The following HTR4 variants were observed in gnomAD, a reference collection of about 807,000 sequenced individuals.
The protein encoded by HTR4 is 5-hydroxytryptamine receptor 4, also known as 5-hydroxytryptamine (serotonin) receptor 4, G protein-coupled.
Under a neutral mutation model 36.8 loss-of-function variants are expected in HTR4, and 16 were observed. That is an observed-to-expected ratio of 0.43 (90% CI 0.29 to 0.66). The LOEUF is 0.66. Among genes scored for constraint, HTR4 ranks in the 30% least tolerant of loss-of-function variants. HTR4 has a pLI of 0.13. For synonymous variants in HTR4, 189 were observed against 185.1 expected (o/e 1.02, Z -0.17); for missense variants, 438 against 490.9 (o/e 0.89, Z 1.02).
At chr5:148,464,420 A>C (rs1755369520) in intron 5 of HTR4, among the ~76,000 whole-genome samples, 1 of 152,208 alleles carries the variant, frequency 6.6e-6, no homozygotes, top group African/African-American at 2.4e-5. Context: ...CCTAATTTTA[A>C]AAATGGGCCA....
downstream of HTR4, among the ~76,000 whole-genome samples, chr5:148,476,181 C>T (rs2113709165): frequency 6.6e-6 from 1 of 152,348 alleles, no homozygotes; most frequent in East Asian, 1.9e-4. Flanking sequence ...CATTCTACAT[C>T]TCTGGCTCAG....
Position 148,510,043 on chromosome 5 carries a change from G to C in HTR4, c.508-19C>G, listed in dbSNP as rs1363734799. The C allele has an allele frequency of 1.3e-6, 2 of 1,520,104 alleles. No homozygotes were observed. Among genetic ancestry groups the C allele is most frequent in the Admixed American group, 3.6e-5 (2 of 56,122 alleles). 94.2% of individuals were successfully genotyped at this position (1,520,104 alleles called of 1,614,324 possible). A position where few individuals can be genotyped will look rare whatever the true frequency, so the allele number is the denominator to read the frequency against. ...TTTCTATCTGAGAGTTGGAGGGAGAGAGGAAATGAGGAAAGGAGGTAAAAA... is the reference window on the plus strand; with the variant it reads ...TTTCTATCTGAGAGTTGGAGGGAGACAGGAAATGAGGAAAGGAGGTAAAAA... On this transcript the variant is annotated intron_variant, in intron 5 of 6. Coordinates refer to ENST00000377888, the MANE Select transcript of HTR4 (RefSeq NM_000870.7).
At chr5:148,627,316 T>G (rs1172212129) in intron 2 of HTR4, among the ~76,000 whole-genome samples, 1 of 151,642 alleles carries the variant, frequency 6.6e-6, no homozygotes, top group African/African-American at 2.4e-5. Context: ...ATTACCAACA[T>G]TTTTTGAATG....
rs1757398027 is a variant in HTR4, at chr5:148,509,653, C to T, written c.879G>A (p.Val293=). The change falls in exon 6 of 7, where the codon GTG becomes GTA. Residue 293 remains valine, a synonymous_variant. Coordinates refer to ENST00000377888, the MANE Select transcript of HTR4 (RefSeq NM_000870.7). ...PFIDYTVPGQ[V]WTAFLWLGYI... The stretch of plus-strand genomic sequence containing the variant: ...AGCCGAGCCAGAGGAAAGCAGTCCA[C>T]ACCTGCCCAGGGACAGTGTAGTCTA... 6.2e-7 allele frequency: 1 copy of T among 1,614,114 alleles called. No homozygotes were observed. Among genetic ancestry groups the T allele is most frequent in the African/African-American group, 1.3e-5 (1 of 75,058 alleles).
intron 1 of HTR4, among the ~76,000 whole-genome samples, chr5:148,652,232 G>C (rs564241886): frequency 6.6e-6 from 1 of 152,220 alleles, no homozygotes; most frequent in South Asian, 2.1e-4. Context: ...AAACAAAATA[G>C]ATTTAAGAGG....
Position 148,540,400 on chromosome 5 carries a change from GTATATATATATATATATATATATA to G in HTR4, c.353+8244_353+8267del, listed in dbSNP as rs56021250. 6.9e-3 allele frequency among the ~76,000 whole-genome samples: 510 copies of G among 74,292 alleles called. 11 individuals carry two copies. Among genetic ancestry groups the G allele is most frequent in the South Asian group, 9.4e-3 (20 of 2,122 alleles). 48.7% of individuals were successfully genotyped at this position (74,292 alleles called of 152,430 possible). A position where few individuals can be genotyped will look rare whatever the true frequency, so the allele number is the denominator to read the frequency against. Reference sequence around the variant, plus strand: ...ATTTTAGGTTTTATTTTATGTGTGTGTATATATATATATATATATATATATATATATATATATATATATATATAA... The same window carrying G: ...ATTTTAGGTTTTATTTTATGTGTGTGTATATATATATATATATATATATAA... On this transcript the variant is annotated intron_variant, in intron 4 of 6. Coordinates refer to ENST00000377888, the MANE Select transcript of HTR4 (RefSeq NM_000870.7).
intron 5 of HTR4, among the ~76,000 whole-genome samples, chr5:148,461,175 T>TA (rs1168660100): frequency 6.6e-6 from 1 of 151,966 alleles, no homozygotes; most frequent in Non-Finnish European, 1.5e-5. Flanking sequence ...AATGCTTATT[T>TA]AAAACCACAA....
chr5:148,472,909 G>A (rs1194001142), downstream of HTR4, among the ~76,000 whole-genome samples: 1 of 152,108 alleles, frequency 6.6e-6, no homozygotes, highest in East Asian at 1.9e-4. Flanking sequence ...ATTTTAGGAG[G>A]GCATAACTTT....
At chr5:148,564,068 A>G (rs1482193562) in intron 2 of HTR4, among the ~76,000 whole-genome samples, 2 of 152,216 alleles carry the variant, frequency 1.3e-5, no homozygotes, top group Admixed American at 1.3e-4. Context: ...CCTCTTGTTC[A>G]AAATCTTATA....
intron 2 of HTR4, among the ~76,000 whole-genome samples, chr5:148,615,265 G>T (rs1003334554): frequency 2.0e-5 from 3 of 152,026 alleles, no homozygotes; most frequent in African/African-American, 7.3e-5. Flanking sequence ...CAATAGCAAA[G>T]ACTTGGAACC....
At chr5:148,611,551 C>T (rs926232514) in intron 2 of HTR4, among the ~76,000 whole-genome samples, 11 of 140,892 alleles carry the variant, frequency 7.8e-5, no homozygotes, top group Admixed American at 3.5e-4. Context: ...AAGGAACAAC[C>T]GGTACCAGCC....
chr5:148,621,611 T>C (rs1327121483), intron 2 of HTR4, among the ~76,000 whole-genome samples: 1 of 152,202 alleles, frequency 6.6e-6, no homozygotes, highest in African/African-American at 2.4e-5. Flanking sequence ...TAGTAAATTC[T>C]CACTGTTGCT....
intron 6 of HTR4, among the ~76,000 whole-genome samples, chr5:148,499,329 G>A (rs1756830762): frequency 6.6e-6 from 1 of 152,126 alleles, no homozygotes. Context: ...ATGGAAGGAG[G>A]TCTCTAGTGA....
chr5:148,526,082 G>A (rs887648145), intron 4 of HTR4, among the ~76,000 whole-genome samples: 1 of 152,150 alleles, frequency 6.6e-6, no homozygotes, highest in Admixed American at 6.6e-5. Flanking sequence ...AAGTTCCAGA[G>A]GGATAATCGC....
chr5:148,514,132 C>T (rs1446969549), intron 5 of HTR4, among the ~76,000 whole-genome samples: 1 of 152,086 alleles, frequency 6.6e-6, no homozygotes, highest in East Asian at 1.9e-4. Context: ...TAGGGCCTCC[C>T]ATCTAATTTT....
chr5:148,636,887 C>A, intron 2 of HTR4, 102 bp downstream of exon 2: 2 of 696,446 alleles, frequency 2.9e-6, no homozygotes, highest in South Asian at 2.0e-5. Context: ...AAAGAAAATC[C>A]ACATCCATTA....
At chr5:148,572,871 A>G (rs1760731473) in intron 2 of HTR4, among the ~76,000 whole-genome samples, 1 of 152,110 alleles carries the variant, frequency 6.6e-6, no homozygotes, top group African/African-American at 2.4e-5. Flanking sequence ...ATTCTAAAAG[A>G]TATCGTGAAT....
intron 5 of HTR4, 144 bp from the exon 6 acceptor site, chr5:148,510,168 G>T (rs1382435195): frequency 6.7e-6 from 4 of 600,496 alleles, no homozygotes; most frequent in Admixed American, 3.1e-5. Context: ...TAAAAAGAAG[G>T]GGAAGAGAAC....
intron 5 of HTR4, among the ~76,000 whole-genome samples, chr5:148,453,512 T>C (rs1755023490): frequency 6.6e-6 from 1 of 152,322 alleles, no homozygotes; most frequent in Non-Finnish European, 1.5e-5. Flanking sequence ...AACTGAGGCA[T>C]GTGCCTATCT....
Sources: gnomAD v4.1 joint callset for allele counts (sites outside exome capture counted in the v4.1 genomes callset) on GRCh38, gnomAD v4.1.1 for gene constraint, MANE v1.5 for transcripts, NCBI Gene and HGNC (gene_info 2026-07-23, HGNC 2026-07-21) for gene names.